The following GTF2A1 variants were observed in gnomAD, a reference collection of about 807,000 sequenced individuals.
The protein encoded by GTF2A1 is general transcription factor IIA subunit 1, also known as transcription initiation factor IIA subunit 1.
In GTF2A1, 12 loss-of-function variants were observed where a neutral mutation model predicts 54.1. The ratio of observed to expected loss-of-function variants is 0.22; its 90% CI spans 0.14 to 0.36. The LOEUF is 0.36. Among genes scored for constraint, GTF2A1 ranks in the 10% least tolerant of loss-of-function variants. GTF2A1 has a pLI of 1.00. For synonymous variants in GTF2A1, 145 were observed against 152.0 expected, an observed-to-expected ratio of 0.95 and a Z score of 0.34; for missense variants, 335 against 442.2, an observed-to-expected ratio of 0.76 and a Z score of 2.17.
chr14:81,220,903 T>G lies in GTF2A1; in HGVS notation c.-385A>C. 1.0e-5 allele frequency: 2 copies of G among 190,582 alleles called. No homozygotes were observed. The highest frequency in any genetic ancestry group is 2.1e-5 in the Non-Finnish European group (2 of 93,912). The allele number at this position is 190,582 out of a possible 1,614,324, so 11.8% of individuals were successfully genotyped here. A position where few individuals can be genotyped will look rare whatever the true frequency, so the allele number is the denominator to read the frequency against. ...GGTCCGCCCGCTTCTCTCCTTTATA[T>G]AGCGAGCCAACAAGCTGCGCGAGCC... On this transcript the variant is annotated 5_prime_UTR_variant, in exon 1 of 9. Transcript: ENST00000553612.
In GTF2A1 at chr14:81,178,412, G is replaced by A. The variant is rs1033874465; in HGVS notation, c.*1811C>T. ...ATTTTAAAACCTCTGTGTGCTTTGA[G>A]AGTCACAGAATAAACAAACTTCCCC... On this transcript the variant is annotated 3_prime_UTR_variant, in exon 9 of 9. Transcript: ENST00000553612. 2.0e-5 allele frequency: 3 copies of A among 151,996 alleles called. No homozygotes were observed. The highest frequency in any genetic ancestry group is 7.3e-5 in the African/African-American group (3 of 41,376). 9.4% of individuals were successfully genotyped at this position (151,996 alleles called of 1,614,324 possible).
At chr14:81,201,559 T>C in intron 4 of GTF2A1, 35 bp downstream of exon 4, 1 of 1,252,328 alleles carries the variant, frequency 8.0e-7, no homozygotes, top group Non-Finnish European at 1.2e-6. Context: ...TAGAATTAAG[T>C]ACAGCCAATC....
At position 81,216,515 on chromosome 14, in the gene GTF2A1, C is replaced by CT. The variant is rs1204911519; in HGVS notation, c.31-2dup. 5.2e-6 allele frequency: 7 copies of CT among 1,356,044 alleles called. No individual in the cohort carries two copies. The African/African-American group carries it at 8.7e-5, about 17-fold the overall frequency. 84.0% of individuals were successfully genotyped at this position (1,356,044 alleles called of 1,614,324 possible). A position where few individuals can be genotyped will look rare whatever the true frequency, so the allele number is the denominator to read the frequency against. ...CAATCACAGATCTGTATAATTTAGG[C>CT]TTTAAAGGAAAAATAAAAGACTTGA... On this transcript the variant is annotated splice_acceptor_variant, in intron 1 of 8. Coordinates refer to ENST00000553612, the MANE Select transcript of GTF2A1 (RefSeq NM_015859.4). LOFTEE classifies it high-confidence loss of function.
intron 2 of GTF2A1, among the ~76,000 whole-genome samples, chr14:81,207,785 C>T (rs1483174563): frequency 6.6e-6 from 1 of 152,202 alleles, no homozygotes; most frequent in African/African-American, 2.4e-5. Context: ...AAAGGTGACC[C>T]TTGTTATGTG....
At chr14:81,216,329 A>G in intron 2 of GTF2A1, 84 bp downstream of exon 2, 1 of 680,952 alleles carries the variant, frequency 1.5e-6, no homozygotes, top group Admixed American at 2.5e-5. Flanking sequence ...TTCATCCTAT[A>G]GAAAAATTAC....
chr14:81,183,510 G>A (rs1252501304), intron 8 of GTF2A1, among the ~76,000 whole-genome samples: 1 of 152,188 alleles, frequency 6.6e-6, no homozygotes, highest in East Asian at 1.9e-4. Context: ...CTGAAGTCAT[G>A]TTGGGTAATA....
chr14:81,195,262 G>A (rs1566855165), intron 6 of GTF2A1, among the ~76,000 whole-genome samples: 1 of 151,358 alleles, frequency 6.6e-6, no homozygotes, highest in African/African-American at 2.4e-5. Flanking sequence ...TATGAACTAA[G>A]GAAATGAAAA....
intron 2 of GTF2A1, chr14:81,210,039 AATGGTCC>A: frequency 7.0e-6 from 1 of 143,106 alleles, no homozygotes; most frequent in Non-Finnish European, 1.5e-5. Flanking sequence ...TATCATACAG[AATGGTCC>A]CACAAGAAAT....
intron 2 of GTF2A1, chr14:81,209,953 G>GA: frequency 8.6e-7 from 1 of 1,164,040 alleles, no homozygotes; most frequent in Non-Finnish European, 1.1e-6. Context: ...TCAAAGAAGG[G>GA]AAAACAAAAC....
Position 81,204,063 on chromosome 14 carries a change from T to C in GTF2A1, c.174A>G (p.Gly58=), listed in dbSNP as rs753421265. 4 of 1,613,692 alleles carry C rather than the reference T, an allele frequency of 2.5e-6. No homozygotes were observed. In the Admixed American group the frequency reaches 5.0e-5, roughly 20 times the overall value. Residue 58 remains glycine (G), a synonymous_variant, in exon 3 of 9, where the codon GGA becomes GGG. Transcript: ENST00000553612. ...GAAGCTGCTGCTCTTCTGAATGAAA[T>C]CCATCTACTGCCCTGGACTGCATTA... The part of the protein sequence containing the change: ...NKLMQSRAVD[G]FHSEEQQLLL...
At chr14:81,187,974 C>G (rs892520963) in intron 7 of GTF2A1, among the ~76,000 whole-genome samples, 1 of 152,206 alleles carries the variant, frequency 6.6e-6, no homozygotes, top group Non-Finnish European at 1.5e-5. Context: ...TTCTCCAAAT[C>G]CTCACCAGCA....
intron 8 of GTF2A1, among the ~76,000 whole-genome samples, chr14:81,182,749 C>G (rs1216419435): frequency 6.6e-6 from 1 of 152,166 alleles, no homozygotes; most frequent in Admixed American, 6.5e-5. Context: ...CTTTCTGATT[C>G]ACTTAAGAGT....
chr14:81,220,828 ACCGCTCCCTGCGCCGCCGCTG>A lies in GTF2A1; in HGVS notation c.-331_-311del, dbSNP rs1893623730. ...CCAAGGAGGGAAACCACCACCGGTC[ACCGCTCCCTGCGCCGCCGCTG>A]CCGCCACCGGCTGCAGCTCCAGCCG... On this transcript the variant is annotated 5_prime_UTR_variant, in exon 1 of 9. Transcript: ENST00000553612. The A allele has an allele frequency of 3.2e-6, 1 of 309,928 alleles. No individual in the cohort carries two copies. The highest frequency in any genetic ancestry group is 5.9e-6 in the Non-Finnish European group (1 of 169,986). 19.2% of individuals were successfully genotyped at this position (309,928 alleles called of 1,614,324 possible). A position where few individuals can be genotyped will look rare whatever the true frequency, so the allele number is the denominator to read the frequency against.
Position 81,192,823 on chromosome 14 carries a change from G to C in GTF2A1, c.629C>G (p.Pro210Arg). The C allele has an allele frequency of 7.5e-6, 12 of 1,608,862 alleles. No individual in the cohort carries two copies. Among genetic ancestry groups the C allele is most frequent in the Non-Finnish European group, 1.0e-5 (12 of 1,175,458 alleles). ...ACCTGTCTGTGGTGAAATCCCTCCA[G>C]GAAGAGGAGCCAGCACCTAAAGCAA... ...PVIQQVLAPL[P>R]GGISPQTGVI... Residue 210 changes from proline to arginine, a missense_variant, in exon 7 of 9, where the codon CCT (proline) becomes CGT (arginine). This residue lies in a region of GTF2A1 where 306 missense variants were observed against 360.4 expected (regional missense o/e 0.85). Transcript: ENST00000553612.
chr14:81,206,285 G>A (rs3815952), intron 2 of GTF2A1, among the ~76,000 whole-genome samples: 4,467 of 152,176 alleles, frequency 0.029, 90 homozygotes, highest in East Asian at 0.055. Flanking sequence ...CACCATTATT[G>A]TCTATTCTGA....
intron 4 of GTF2A1, among the ~76,000 whole-genome samples, chr14:81,197,712 C>T (rs934067560): frequency 6.6e-6 from 1 of 152,106 alleles, no homozygotes; most frequent in Non-Finnish European, 1.5e-5. Flanking sequence ...TGGGTTTTTT[C>T]CCCTAGAGAA....
chr14:81,190,055 G>A (rs1011264932), intron 7 of GTF2A1, among the ~76,000 whole-genome samples: 2 of 151,870 alleles, frequency 1.3e-5, no homozygotes, highest in African/African-American at 4.8e-5. Context: ...AGATGACAAA[G>A]GATTCTGGCA....
intron 6 of GTF2A1, among the ~76,000 whole-genome samples, chr14:81,193,395 G>A (rs139022728): frequency 0.012 from 1,793 of 152,146 alleles, 16 homozygotes; most frequent in Non-Finnish European, 0.019. Flanking sequence ...TCGAACTCAC[G>A]ACCTCATGAT....
chr14:81,211,753 G>T (rs1045642894), intron 2 of GTF2A1, among the ~76,000 whole-genome samples: 1 of 151,300 alleles, frequency 6.6e-6, no homozygotes, highest in Non-Finnish European at 1.5e-5. Flanking sequence ...TACACTTCTA[G>T]GTTCCCAAGA....
Sources: gnomAD v4.1 joint callset for allele counts (sites outside exome capture counted in the v4.1 genomes callset) on GRCh38, gnomAD v4.1.1 for gene constraint, gnomAD v4.1.1 regional missense constraint, MANE v1.5 for transcripts, NCBI Gene and HGNC (gene_info 2026-07-23, HGNC 2026-07-21) for gene names.